KALRN: variants seen among roughly 807,000 people sequenced by gnomAD.
KALRN encodes kalirin.
In KALRN, 70 loss-of-function variants were observed where a neutral mutation model predicts 353.7. That is an observed-to-expected ratio of 0.20 (90% CI 0.16 to 0.24). KALRN has a LOEUF of 0.24. Among genes scored for constraint, KALRN ranks in the 10% least tolerant of loss-of-function variants. KALRN has a pLI of 1.00. For missense variants in KALRN, 2,791 were observed against 3,756.7 expected, an observed-to-expected ratio of 0.74 and a Z score of 6.72; for synonymous variants, 1,391 against 1,434.8, an observed-to-expected ratio of 0.97 and a Z score of 0.69.
chr3:124,694,406 G>T lies in KALRN; in HGVS notation c.7480G>T (p.Val2494Phe). 6.2e-7 allele frequency: 1 copy of T among 1,614,240 alleles called. No homozygotes were observed. The highest frequency in any genetic ancestry group is 1.3e-5 in the African/African-American group (1 of 75,070). Reference protein sequence around the residue: ...LGDTVILQCKVCGRPKPTITW... With the variant: ...LGDTVILQCKFCGRPKPTITW... ...GGACACAGTGATACTGCAGTGCAAA[G>T]TCTGTGGGCGGCCAAAGCCCACCAT... The change falls in exon 53 of 60, where the codon GTC becomes TTC. Residue 2494 changes from valine (V) to phenylalanine (F), a missense_variant. Physicochemically the swap from Val to Phe is conservative, Grantham distance 50 (BLOSUM62 -1). Coordinates refer to ENST00000682506, the MANE Select transcript of KALRN (RefSeq NM_001388419.1).
intron 37 of KALRN, among the ~76,000 whole-genome samples, chr3:124,638,105 C>T (rs2081573713): frequency 6.6e-6 from 1 of 152,122 alleles, no homozygotes; most frequent in African/African-American, 2.4e-5. Context: ...TTAGCTTTTC[C>T]TGCAATTCTC....
chr3:124,482,753 A>C, intron 27 of KALRN, 55 bp from the exon 28 acceptor site: 1 of 1,170,236 alleles, frequency 8.5e-7, no homozygotes, highest in Non-Finnish European at 1.3e-6. Flanking sequence ...CTCAGAGTTC[A>C]CACACATGCA....
At chr3:124,422,629 C>T (rs1346530357) in intron 14 of KALRN, among the ~76,000 whole-genome samples, 183 bp from the exon 15 acceptor site, 1 of 152,062 alleles carries the variant, frequency 6.6e-6, no homozygotes, top group African/African-American at 2.4e-5. Flanking sequence ...AAAGAGATGG[C>T]GTAATTTTAG....
intron 17 of KALRN, among the ~76,000 whole-genome samples, chr3:124,436,076 G>T (rs963724997): frequency 3.3e-5 from 5 of 152,154 alleles, no homozygotes; most frequent in African/African-American, 1.2e-4. Context: ...ACAGTCAGTT[G>T]ATTTTTGACA....
chr3:124,641,077 T>C (rs1288468456), intron 37 of KALRN, among the ~76,000 whole-genome samples: 4 of 152,176 alleles, frequency 2.6e-5, no homozygotes, highest in African/African-American at 9.7e-5. Flanking sequence ...CTCCCAGAGC[T>C]GCCCCTGGTG....
At chr3:124,055,782 T>C (rs564496871) in intron 1 of KALRN, among the ~76,000 whole-genome samples, 1 of 152,320 alleles carries the variant, frequency 6.6e-6, no homozygotes, top group Admixed American at 6.5e-5. Context: ...TAAAATCCCA[T>C]CCAAAATCTC....
intron 36 of KALRN, among the ~76,000 whole-genome samples, chr3:124,634,940 G>A (rs986572587): frequency 6.6e-6 from 1 of 152,160 alleles, no homozygotes; most frequent in Non-Finnish European, 1.5e-5. Context: ...TGACATCTCA[G>A]TTCTTATTTT....
chr3:124,306,876 A>T (rs757615334), intron 6 of KALRN, among the ~76,000 whole-genome samples: 1 of 152,214 alleles, frequency 6.6e-6, no homozygotes, highest in Non-Finnish European at 1.5e-5. Flanking sequence ...ACAACTGTTA[A>T]CCAAGAATAC....
chr3:124,228,016 G>T lies in KALRN; in HGVS notation c.100G>T (p.Ala34Ser). ...TGSFRNDGLK[A>S]SDVLPILKEK... ...GTCTTTTCGGAATGATGGTTTGAAA[G>T]CTTCTGATGTCCTTCCTATCCTAAA... Residue 34 changes from alanine to serine, a missense_variant, in exon 2 of 60, where the codon GCT becomes TCT. Physicochemically the swap from Ala to Ser is moderately conservative, Grantham distance 99. Around this residue, in one of 11 missense-constraint regions of KALRN, gnomAD observed 110 missense variants for 204.1 expected, o/e 0.54. Coordinates refer to ENST00000682506, the MANE Select transcript of KALRN (RefSeq NM_001388419.1). 2 of 1,614,114 alleles carry T rather than the reference G, an allele frequency of 1.2e-6. No homozygotes were observed. Among genetic ancestry groups the T allele is most frequent in the Non-Finnish European group, 1.7e-6 (2 of 1,179,952 alleles).
intron 1 of KALRN, among the ~76,000 whole-genome samples, chr3:124,201,722 G>C (rs1473485110): frequency 6.6e-6 from 1 of 152,216 alleles, no homozygotes; most frequent in Non-Finnish European, 1.5e-5. Context: ...TCTAATGGAG[G>C]ACACTGAGCA....
intron 28 of KALRN, among the ~76,000 whole-genome samples, chr3:124,486,024 T>C (rs778433309): frequency 1.3e-5 from 2 of 152,226 alleles, no homozygotes; most frequent in Non-Finnish European, 2.9e-5. Flanking sequence ...TTCAAATACA[T>C]GTATATTTAA....
chr3:124,201,132 A>G (rs1037713424), intron 1 of KALRN, among the ~76,000 whole-genome samples: 1 of 152,224 alleles, frequency 6.6e-6, no homozygotes, highest in Non-Finnish European at 1.5e-5. Context: ...TTCTGCAGCC[A>G]TCTTGTGACC....
intron 34 of KALRN, among the ~76,000 whole-genome samples, chr3:124,628,620 G>A (rs530106262): frequency 6.7e-6 from 1 of 148,170 alleles, no homozygotes; most frequent in Non-Finnish European, 1.5e-5. Flanking sequence ...CTGTTGACCA[G>A]GCTAAAGTGC....
chr3:124,036,473 G>A (rs1005852904), intron 1 of KALRN, among the ~76,000 whole-genome samples: 1 of 151,524 alleles, frequency 6.6e-6, no homozygotes, highest in East Asian at 1.9e-4. Context: ...CCATTGATGG[G>A]CATTTAGGTT....
In KALRN at chr3:124,424,134, C is replaced by T. The variant is rs34007446; in HGVS notation, c.2709+1156C>T. 6.7e-3 allele frequency among the ~76,000 whole-genome samples: 1,021 copies of T among 152,250 alleles called. 3 individuals are homozygous for T. Among genetic ancestry groups the T allele is most frequent in the Middle Eastern group, 0.014 (4 of 294 alleles). ...ATGGTCACCCTGAGGAGAGAACACA[C>T]CACCACTCTCCACAGGTCCCGGGGG... On this transcript the variant is annotated intron_variant, in intron 15 of 59. Coordinates refer to ENST00000682506, the MANE Select transcript of KALRN (RefSeq NM_001388419.1).
chr3:124,572,255 G>T (rs2073607611), intron 34 of KALRN, among the ~76,000 whole-genome samples: 1 of 151,460 alleles, frequency 6.6e-6, no homozygotes, highest in Non-Finnish European at 1.5e-5. Flanking sequence ...GGGAAGGGAG[G>T]TGGAGGTTGC....
intron 29 of KALRN, chr3:124,488,580 C>A: frequency 2.7e-6 from 1 of 374,884 alleles, no homozygotes. Flanking sequence ...CCAGGACAGG[C>A]CATCACCCTC....
In KALRN at chr3:124,563,081, T is replaced by G. The variant is rs1186947816; in HGVS notation, c.5174T>G (p.Leu1725Trp). The G allele has an allele frequency of 1.5e-6, 2 of 1,367,302 alleles. No homozygotes were observed. Among genetic ancestry groups the G allele is most frequent in the African/African-American group, 3.0e-5 (2 of 67,736 alleles). The allele number at this position is 1,367,302 out of a possible 1,614,324, so 84.7% of individuals were successfully genotyped here. A position where few individuals can be genotyped will look rare whatever the true frequency, so the allele number is the denominator to read the frequency against. ...GTGGAGATGGACTGCTTCTTCCCCT[T>G]GGTGAAAGGTAGGAGAACAGAGCGG... ...SSVEMDCFFP[L>W]VKDAYSHSSS... Residue 1725 changes from leucine (L) to tryptophan (W), a missense_variant, in exon 34 of 60, where the codon TTG (leucine) becomes TGG (tryptophan). By Grantham distance (61) the Leu-to-Trp change is moderately conservative. Around this residue, in one of 11 missense-constraint regions of KALRN, gnomAD observed 239 missense variants for 351.3 expected, o/e 0.68. Transcript: ENST00000682506.
At chr3:124,204,033 G>A (rs932709611) in intron 1 of KALRN, among the ~76,000 whole-genome samples, 2 of 152,158 alleles carry the variant, frequency 1.3e-5, no homozygotes, top group South Asian at 2.1e-4. Flanking sequence ...TGGTATACGC[G>A]GAGGTCCTGG....
Sources: gnomAD v4.1 joint callset for allele counts (sites outside exome capture counted in the v4.1 genomes callset) on GRCh38, gnomAD v4.1.1 for gene constraint, gnomAD v4.1.1 regional missense constraint, MANE v1.5 for transcripts, NCBI Gene and HGNC (gene_info 2026-07-23, HGNC 2026-07-21) for gene names.